Variants in SENP7 observed in about 807,000 individuals in gnomAD.
SENP7 encodes SUMO specific peptidase 7.
SENP7 carries 64 observed loss-of-function variants against 141.2 expected under a neutral mutation model. That is an observed-to-expected ratio of 0.45 (90% CI 0.37 to 0.56). SENP7 has a LOEUF of 0.56. Among genes scored for constraint, SENP7 ranks in the 20% least tolerant of loss-of-function variants. The pLI is 0.00. For missense variants in SENP7, 1,025 were observed against 1,212.2 expected (o/e 0.85, Z 2.29); for synonymous variants, 382 against 426.4 (o/e 0.90, Z 1.28).
chr3:101,393,056 T>C (rs191586786), intron 6 of SENP7, among the ~76,000 whole-genome samples: 14 of 152,204 alleles, frequency 9.2e-5, no homozygotes, highest in African/African-American at 1.9e-4. Context: ...TTAGAGCCAA[T>C]TGACTTTCAA....
intron 8 of SENP7, among the ~76,000 whole-genome samples, chr3:101,367,285 C>T (rs1012259541): frequency 5.9e-5 from 9 of 151,930 alleles, no homozygotes; most frequent in Admixed American, 1.3e-4. Context: ...ATTTATGGAT[C>T]AAAGAAATTG....
At chr3:101,393,052 C>G (rs910187482) in intron 6 of SENP7, among the ~76,000 whole-genome samples, 1 of 152,080 alleles carries the variant, frequency 6.6e-6, no homozygotes, top group African/African-American at 2.4e-5. Context: ...ATATTTAGAG[C>G]CAATTGACTT....
intron 4 of SENP7, among the ~76,000 whole-genome samples, chr3:101,435,138 T>G (rs2062334594): frequency 6.6e-6 from 1 of 152,104 alleles, no homozygotes; most frequent in Admixed American, 6.6e-5. Flanking sequence ...ATCAACATGA[T>G]TCATCATATC....
intron 10 of SENP7, 99 bp from the exon 11 acceptor site, chr3:101,361,960 G>C: frequency 7.6e-7 from 1 of 1,312,798 alleles, no homozygotes; most frequent in Non-Finnish European, 1.0e-6. Context: ...ATTACTATTA[G>C]TGAATTTTTG....
intron 12 of SENP7, among the ~76,000 whole-genome samples, chr3:101,350,807 T>C (rs1246602399): frequency 6.6e-6 from 1 of 151,980 alleles, no homozygotes; most frequent in African/African-American, 2.4e-5. Flanking sequence ...TAATAATTTA[T>C]TAATATTTCC....
At chr3:101,361,931 C>T (rs2059912869) in intron 10 of SENP7, 70 bp from the exon 11 acceptor site, 1 of 1,445,980 alleles carries the variant, frequency 6.9e-7, no homozygotes. Context: ...ATGACTTTCA[C>T]CATCAAATTC....
chr3:101,448,201 T>C (rs573656284), intron 4 of SENP7, among the ~76,000 whole-genome samples: 11 of 152,276 alleles, frequency 7.2e-5, no homozygotes, highest in Admixed American at 3.3e-4. Context: ...GTTTCTTAGA[T>C]ATGACACCAA....
At chr3:101,470,719 T>C (rs4683919) in intron 3 of SENP7, among the ~76,000 whole-genome samples, 60,368 of 152,062 alleles carry the variant, frequency 0.4, 12,503 homozygotes, top group Admixed American at 0.54. Flanking sequence ...TTGTCCCTGT[T>C]TGCAGATGAC....
chr3:101,449,434 G>C (rs1393227954), intron 4 of SENP7, among the ~76,000 whole-genome samples: 1 of 152,116 alleles, frequency 6.6e-6, no homozygotes, highest in Admixed American at 6.5e-5. Flanking sequence ...CACCAAAGTT[G>C]AAATGAAAGA....
At chr3:101,465,993 A>G (rs745574769) in intron 3 of SENP7, among the ~76,000 whole-genome samples, 72 of 152,202 alleles carry the variant, frequency 4.7e-4, no homozygotes, top group Non-Finnish European at 1.5e-4. Flanking sequence ...AATATAAAAT[A>G]CAGTTGAGAG....
chr3:101,479,892 C>CCAAAAAAAA (rs2064381275), intron 3 of SENP7, among the ~76,000 whole-genome samples: 1 of 7,338 alleles, frequency 1.4e-4, no homozygotes, highest in African/African-American at 6.1e-4. Flanking sequence ...ACAACAGCTA[C>CCAAAAAAAA]AAAAAAAAAA....
At chr3:101,424,721 C>T (rs1422681126) in intron 4 of SENP7, among the ~76,000 whole-genome samples, 2 of 152,106 alleles carry the variant, frequency 1.3e-5, no homozygotes, top group East Asian at 3.9e-4. Flanking sequence ...TCCCCATCAG[C>T]CACATTGCCG....
chr3:101,483,260 G>A (rs779501558), intron 3 of SENP7, among the ~76,000 whole-genome samples: 1 of 152,114 alleles, frequency 6.6e-6, no homozygotes, highest in African/African-American at 2.4e-5. Flanking sequence ...ATGCTATGCG[G>A]CCATAAAAAA....
chr3:101,371,914 C>A, intron 7 of SENP7, 94 bp downstream of exon 7: 1 of 454,786 alleles, frequency 2.2e-6, no homozygotes, highest in Non-Finnish European at 3.6e-6. Context: ...CATATCCTTT[C>A]AAAGTAAAAT....
intron 4 of SENP7, among the ~76,000 whole-genome samples, chr3:101,438,698 A>G (rs552047375): frequency 5.9e-5 from 9 of 152,376 alleles, no homozygotes; most frequent in African/African-American, 1.7e-4. Flanking sequence ...TTACACATCA[A>G]TAAAGTCGGT....
At position 101,513,105 on chromosome 3, in the gene SENP7, C is replaced by T. The variant is rs1202960037; in HGVS notation, c.26G>A (p.Arg9Gln). Residue 9 changes from arginine (R) to glutamine (Q), a missense_variant, in exon 1 of 24, where the codon CGG becomes CAG. Arg to Gln is a conservative substitution (Grantham distance 43). Around this residue, in one of 4 missense-constraint regions of SENP7, gnomAD observed 496 missense variants for 503.5 expected, o/e 0.99. Transcript: ENST00000394095. MDKRKLGRRPSSSEIITEG... is the reference protein window; with the variant it reads MDKRKLGRQPSSSEIITEG... ...CCCTTTCTCACCGGATGAAGATGGC[C>T]GTCGCCCGAGCTTTCTCTTGTCCAT... 15 of 1,612,440 alleles carry T rather than the reference C, an allele frequency of 9.3e-6. No homozygotes were observed. The highest frequency in any genetic ancestry group is 1.3e-5 in the Non-Finnish European group (15 of 1,179,382).
chr3:101,352,973 TGTCTC>T (rs2059650126), intron 11 of SENP7, among the ~76,000 whole-genome samples: 2 of 152,028 alleles, frequency 1.3e-5, no homozygotes, highest in African/African-American at 4.8e-5. Flanking sequence ...CTGCCTCTAC[TGTCTC>T]TACCACTTAC....
chr3:101,368,204 A>C (rs2060087567), intron 7 of SENP7, among the ~76,000 whole-genome samples, 193 bp from the exon 8 acceptor site: 1 of 152,182 alleles, frequency 6.6e-6, no homozygotes, highest in South Asian at 2.1e-4. Flanking sequence ...GTATATACCA[A>C]GTAAATGTTC....
chr3:101,400,301 TATA>T, intron 5 of SENP7, among the ~76,000 whole-genome samples: 1 of 152,288 alleles, frequency 6.6e-6, no homozygotes, highest in East Asian at 1.9e-4. Flanking sequence ...AGAAACAATA[TATA>T]GAAAGAGCCA....
Sources: allele counts gnomAD v4.1 joint callset (sites outside exome capture counted in the v4.1 genomes callset), GRCh38; gene constraint gnomAD v4.1.1; regional missense constraint gnomAD v4.1.1; transcripts MANE v1.5; gene names NCBI Gene and HGNC (gene_info 2026-07-23, HGNC 2026-07-21).